The following RNF150 variants were observed in gnomAD, a reference collection of about 807,000 sequenced individuals.
RNF150 encodes the protein ring finger protein 150.
A neutral mutation model predicts 39.3 loss-of-function variants in RNF150; 24 were observed. The observed-to-expected ratio is 0.61, with a 90% CI of 0.44 to 0.86. RNF150 has a LOEUF of 0.86. Ranked by LOEUF, RNF150 falls within the 40% of genes least tolerant of loss-of-function variation. The pLI is 0.00. For missense variants in RNF150, 502 were observed against 587.8 expected (o/e 0.85, Z 1.51); for synonymous variants, 255 against 227.3 (o/e 1.12, Z -1.10).
At chr4:140,888,421 G>A (rs1314373345) in intron 6 of RNF150, among the ~76,000 whole-genome samples, 1 of 152,202 alleles carries the variant, frequency 6.6e-6, no homozygotes, top group African/African-American at 2.4e-5. Context: ...CAATGGGGCA[G>A]TCATGCATTT....
In RNF150 at chr4:141,068,666, C is replaced by T. The variant is rs373109975; in HGVS notation, c.484+63659G>A. ...ACCTTGGGCAGTATGGCCATTTTCA[C>T]GGTATTGATTCTTCCTACCCATGAG... On this transcript the variant is annotated intron_variant, in intron 1 of 6. Transcript: ENST00000515673. Among the ~76,000 whole-genome samples, 125 of 150,946 alleles carry T rather than the reference C, an allele frequency of 8.3e-4. 1 individual carries two copies. The highest frequency in any genetic ancestry group is 3.6e-3 in the Admixed American group (54 of 15,052).
intron 1 of RNF150, among the ~76,000 whole-genome samples, chr4:141,038,382 G>A (rs536939081): frequency 6.6e-6 from 1 of 152,176 alleles, no homozygotes; most frequent in African/African-American, 2.4e-5. Context: ...TCTGGGCGTC[G>A]AGTAATAGAT....
intron 1 of RNF150, among the ~76,000 whole-genome samples, chr4:141,122,636 A>T (rs1212061203): frequency 6.6e-6 from 1 of 152,254 alleles, no homozygotes; most frequent in Non-Finnish European, 1.5e-5. Context: ...AGCACTGTTT[A>T]TGTAAGAGAA....
At chr4:141,030,344 C>T (rs1182502816) in intron 1 of RNF150, among the ~76,000 whole-genome samples, 1 of 151,372 alleles carries the variant, frequency 6.6e-6, no homozygotes, top group Non-Finnish European at 1.5e-5. Context: ...AACATGTACA[C>T]TGTTGATGGA....
chr4:141,132,801 A>C lies in RNF150; in HGVS notation c.8T>G (p.Met3Arg), dbSNP rs145547493. The C allele has an allele frequency of 9.3e-5, 150 of 1,606,350 alleles. 1 individual carries two copies. In the African/African-American group the frequency reaches 1.8e-3, roughly 19 times the overall value. Residue 3 changes from methionine to arginine, a missense_variant, in exon 1 of 7, where the codon ATG (methionine) becomes AGG (arginine). Physicochemically the swap from Met to Arg is moderately conservative, Grantham distance 91. Coordinates refer to ENST00000515673, the MANE Select transcript of RNF150 (RefSeq NM_020724.2). The surrounding 1 kb of genome is among the most constrained non-coding windows in gnomAD (Gnocchi z 4.9). The stretch of plus-strand genomic sequence containing the variant: ...ACTGCAGCACGCTTGGATGAGAGAC[A>C]TTGCCATCTTTATCCGCCGGGGCCC... Reference protein sequence around the residue: MAMSLIQACCSLA... With the variant: MARSLIQACCSLA...
chr4:140,920,253 C>A (rs1268262464), intron 5 of RNF150, among the ~76,000 whole-genome samples: 1 of 146,928 alleles, frequency 6.8e-6, no homozygotes. Flanking sequence ...AACAGGCAAC[C>A]TACAAAATGG....
chr4:141,020,066 A>T (rs544096609), intron 1 of RNF150, among the ~76,000 whole-genome samples: 1 of 151,446 alleles, frequency 6.6e-6, no homozygotes, highest in Non-Finnish European at 1.5e-5. Flanking sequence ...CTCTCTTCTC[A>T]GTTCTTTAGC....
chr4:141,040,135 G>A (rs1027706243), intron 1 of RNF150, among the ~76,000 whole-genome samples: 1 of 150,704 alleles, frequency 6.6e-6, no homozygotes, highest in African/African-American at 2.4e-5. Context: ...TATCCTGGAA[G>A]ACTGCAAGAA....
chr4:140,928,535 C>T (rs1731485706), intron 4 of RNF150, among the ~76,000 whole-genome samples: 1 of 152,148 alleles, frequency 6.6e-6, no homozygotes, highest in South Asian at 2.1e-4. Flanking sequence ...AGGATCTACG[C>T]TCTGTATCTT....
At chr4:141,078,864 T>C (rs921200797) in intron 1 of RNF150, among the ~76,000 whole-genome samples, 1 of 146,132 alleles carries the variant, frequency 6.8e-6, no homozygotes, top group Non-Finnish European at 1.5e-5. Flanking sequence ...TACATACATA[T>C]ATATATACAC....
intron 1 of RNF150, among the ~76,000 whole-genome samples, chr4:140,976,592 G>C (rs28532687): frequency 2.0e-5 from 3 of 151,740 alleles, no homozygotes; most frequent in Non-Finnish European, 2.9e-5. Flanking sequence ...TCATTTTCCA[G>C]TGCCACTTCC....
chr4:141,079,776 C>T (rs1360712804), intron 1 of RNF150, among the ~76,000 whole-genome samples: 2 of 152,206 alleles, frequency 1.3e-5, no homozygotes, highest in African/African-American at 4.8e-5. Context: ...AGACAGATTT[C>T]ATGTCTGGCA....
intron 1 of RNF150, among the ~76,000 whole-genome samples, chr4:141,000,019 AGAAGAAGAAGAAGAAGAAGAAGAAGAAG>A (rs1734570333): frequency 2.6e-5 from 1 of 39,052 alleles, no homozygotes; most frequent in African/African-American, 8.6e-5. Context: ...AAGAAGAAGA[AGAAGAAGAAGAAGAAGAAGAAGAAGAAG>A]AAGAAGAAGA....
At chr4:140,991,391 T>C (rs1734192909) in intron 1 of RNF150, among the ~76,000 whole-genome samples, 1 of 152,230 alleles carries the variant, frequency 6.6e-6, no homozygotes, top group Admixed American at 6.5e-5. Context: ...TTGCAATTGC[T>C]TTTGGTGATT....
intron 1 of RNF150, among the ~76,000 whole-genome samples, chr4:141,062,768 C>A (rs958528848): frequency 2.0e-5 from 3 of 152,082 alleles, no homozygotes; most frequent in African/African-American, 7.2e-5. Context: ...TATGAATGAT[C>A]CTGTCACCCA....
Position 141,053,153 on chromosome 4 carries a change from A to C in RNF150, c.484+79172T>G, listed in dbSNP as rs1005133991. ...TTTCCCGATCAGTTTTCCGCTGAAAATAAGCACTTGGCATCTCTCCATTTA... is the reference window on the plus strand; with the variant it reads ...TTTCCCGATCAGTTTTCCGCTGAAACTAAGCACTTGGCATCTCTCCATTTA... On this transcript the variant is annotated intron_variant, in intron 1 of 6. Transcript: ENST00000515673. Among the ~76,000 whole-genome samples the C allele has an allele frequency of 3.9e-5, 6 of 152,200 alleles. No individual in the cohort carries two copies. The South Asian group carries it at 1.2e-3, about 32-fold the overall frequency.
At chr4:141,029,922 C>T (rs764869966) in intron 1 of RNF150, among the ~76,000 whole-genome samples, 37 of 152,182 alleles carry the variant, frequency 2.4e-4, no homozygotes, top group African/African-American at 8.4e-4. Context: ...CCTGGCCAGG[C>T]GTGGTGGCTC....
At chr4:140,907,669 G>A (rs1274641328) in intron 6 of RNF150, among the ~76,000 whole-genome samples, 1 of 152,222 alleles carries the variant, frequency 6.6e-6, no homozygotes, top group Non-Finnish European at 1.5e-5. Context: ...TGAAAAGTGA[G>A]TAGGCAACTG....
intron 3 of RNF150, among the ~76,000 whole-genome samples, chr4:140,948,872 A>T (rs1185374199): frequency 6.6e-6 from 1 of 152,222 alleles, no homozygotes; most frequent in Admixed American, 6.5e-5. Context: ...AAACTTTCTC[A>T]GGTCATAACA....
Sources: allele counts gnomAD v4.1 joint callset (sites outside exome capture counted in the v4.1 genomes callset), GRCh38; gene constraint gnomAD v4.1.1; non-coding constraint Gnocchi (gnomAD v3.1); transcripts MANE v1.5; gene names NCBI Gene and HGNC (gene_info 2026-07-23, HGNC 2026-07-21).